SVIL: variants seen among roughly 807,000 people sequenced by gnomAD.
SVIL encodes the protein supervillin, also known as archvillin.
SVIL carries 101 observed loss-of-function variants against 240.4 expected under a neutral mutation model. The observed-to-expected ratio is 0.42, with a 90% CI of 0.36 to 0.50. SVIL has a LOEUF of 0.50. SVIL is among the 20% of genes least tolerant of loss of function. The pLI, the probability that SVIL is intolerant of heterozygous loss-of-function variation, is 0.01. For missense variants in SVIL, 2,512 were observed against 2,818.7 expected (o/e 0.89, Z 2.46); for synonymous variants, 999 against 1,100.0 (o/e 0.91, Z 1.82).
chr10:29,594,848 C>A (rs1013336104), intron 1 of SVIL, among the ~76,000 whole-genome samples: 1 of 152,222 alleles, frequency 6.6e-6, no homozygotes, highest in Non-Finnish European at 1.5e-5. Context: ...TAAGCCACTG[C>A]GCCCAGCCTC....
intron 1 of SVIL, among the ~76,000 whole-genome samples, chr10:29,729,896 C>T (rs999046326): frequency 1.1e-4 from 15 of 136,024 alleles, no homozygotes; most frequent in African/African-American, 3.6e-4. Flanking sequence ...GACTTAGAAA[C>T]GTAACATGAT....
At chr10:29,496,643 T>G (rs1473594404) in intron 18 of SVIL, among the ~76,000 whole-genome samples, 2 of 152,222 alleles carry the variant, frequency 1.3e-5, no homozygotes, top group African/African-American at 2.4e-5. Context: ...GAATGGCTCA[T>G]GGCAGGGAGA....
intron 2 of SVIL, among the ~76,000 whole-genome samples, chr10:29,679,192 G>A (rs759573929): frequency 6.6e-6 from 1 of 152,174 alleles, no homozygotes; most frequent in Non-Finnish European, 1.5e-5. Context: ...GCAACAGAGA[G>A]AGACTCCGTC....
intron 3 of SVIL, among the ~76,000 whole-genome samples, chr10:29,652,226 T>C (rs1174352300): frequency 1.3e-5 from 2 of 152,192 alleles, no homozygotes; most frequent in Admixed American, 6.5e-5. Context: ...ACACCCCCTG[T>C]CGTAGGCAAC....
At chr10:29,458,661 G>A in intron 36 of SVIL, 72 bp from the exon 37 acceptor site, 2 of 1,544,086 alleles carry the variant, frequency 1.3e-6, no homozygotes, top group Non-Finnish European at 1.8e-6. Flanking sequence ...AGTGCTTACA[G>A]ACACACAGCC....
intron 1 of SVIL, among the ~76,000 whole-genome samples, chr10:29,625,725 G>C (rs1379129034): frequency 1.3e-5 from 2 of 152,166 alleles, no homozygotes; most frequent in Admixed American, 1.3e-4. Context: ...GCCTCCCAAA[G>C]TGCTGGGACT....
intron 29 of SVIL, among the ~76,000 whole-genome samples, chr10:29,476,518 T>A (rs1232106861): frequency 6.6e-6 from 1 of 152,188 alleles, no homozygotes; most frequent in African/African-American, 2.4e-5. Context: ...TCCTCCTGCC[T>A]TGGCCTCCCA....
chr10:29,508,440 C>A (rs1251368500), intron 17 of SVIL: 38 of 1,278,436 alleles, frequency 3.0e-5, no homozygotes, highest in Non-Finnish European at 3.7e-5. Flanking sequence ...AAGAGAAGAG[C>A]CTGGTCAGGG....
Position 29,551,136 on chromosome 10 carries a change from G to C in SVIL, c.288C>G (p.His96Gln). Residue 96 changes from histidine to glutamine, a missense_variant, in exon 6 of 38, where the codon CAC (histidine) becomes CAG (glutamine). This residue lies in a region of SVIL where 1,443 missense variants were observed against 1,486.6 expected (regional missense o/e 0.97). Transcript: ENST00000355867. ...TTCTTTCGGCTTTGGACTCCAGACT[G>C]TGGGTGTCCATGGTACCCGAACCAT... ...SPYGSGTMDT[H>Q]SLESKAERIA... is the part of the protein sequence containing the mutation. 1.2e-6 allele frequency: 2 copies of C among 1,614,150 alleles called. No individual in the cohort carries two copies. The highest frequency in any genetic ancestry group is 1.7e-6 in the Non-Finnish European group (2 of 1,180,038).
rs764590479 is a variant in SVIL at position 29,486,396 on chromosome 10, C to A, written c.4633+14G>T. On this transcript the variant is annotated intron_variant, in intron 25 of 37. Coordinates refer to ENST00000355867, the MANE Select transcript of SVIL (RefSeq NM_021738.3). The stretch of plus-strand genomic sequence containing the variant: ...TCAAGTCTCGTCAATCTCTGAAGTA[C>A]AATGAAGTCTTACATTGGTAACTGG... 6.2e-7 allele frequency: 1 copy of A among 1,613,812 alleles called. No individual in the cohort carries two copies. Among genetic ancestry groups the A allele is most frequent in the East Asian group, 2.2e-5 (1 of 44,888 alleles).
At chr10:29,575,727 A>C (rs1955664793) in intron 1 of SVIL, among the ~76,000 whole-genome samples, 1 of 152,194 alleles carries the variant, frequency 6.6e-6, no homozygotes. Context: ...TGAGCTCTAT[A>C]ATAATTACAA....
In SVIL at chr10:29,486,421, G is replaced by A; in HGVS notation, c.4622C>T (p.Thr1541Ile). Residue 1541 changes from threonine (T) to isoleucine (I), a missense_variant, in exon 25 of 38, where the codon ACC becomes ATC. Physicochemically the swap from Thr to Ile is moderately conservative, Grantham distance 89. Coordinates refer to ENST00000355867, the MANE Select transcript of SVIL (RefSeq NM_021738.3). ...KDFWKLLGGQ[T>I]SYQSAGDPKE... is the part of the protein sequence containing the mutation. The stretch of plus-strand genomic sequence containing the variant: ...CAATGAAGTCTTACATTGGTAACTG[G>A]TTTGGCCACCCAGAAGCTTCCAGAA... 6.2e-7 allele frequency: 1 copy of A among 1,614,172 alleles called. No individual in the cohort carries two copies. Among genetic ancestry groups the A allele is most frequent in the East Asian group, 2.2e-5 (1 of 44,886 alleles).
At chr10:29,729,563 C>T (rs1158212435) in intron 1 of SVIL, among the ~76,000 whole-genome samples, 2 of 150,264 alleles carry the variant, frequency 1.3e-5, no homozygotes, top group Non-Finnish European at 3.0e-5. Flanking sequence ...TGGCCGGGTG[C>T]GGTGGCTCAC....
At chr10:29,541,572 T>A (rs1386507968) in intron 6 of SVIL, among the ~76,000 whole-genome samples, 2 of 152,208 alleles carry the variant, frequency 1.3e-5, no homozygotes, top group Non-Finnish European at 2.9e-5. Flanking sequence ...AGTCTCCCTT[T>A]GAGCTAATCT....
At chr10:29,638,277 C>G (rs575278498), upstream of SVIL, among the ~76,000 whole-genome samples, 3 of 151,970 alleles carry the variant, frequency 2.0e-5, no homozygotes, top group Admixed American at 1.3e-4. Flanking sequence ...TCCTAGCCAA[C>G]GTGGTGAAAC....
At chr10:29,473,776 A>T (rs1190311575) in intron 30 of SVIL, 62 bp downstream of exon 30, 1 of 1,607,338 alleles carries the variant, frequency 6.2e-7, no homozygotes, top group Non-Finnish European at 8.5e-7. Flanking sequence ...GCCGAGTGCC[A>T]TCGGCTCCCA....
At position 29,561,495 on chromosome 10, in the gene SVIL, C is replaced by T. The variant is rs75439703; in HGVS notation, c.-51+1706G>A. On this transcript the variant is annotated intron_variant, in intron 3 of 37. Coordinates refer to ENST00000355867, the MANE Select transcript of SVIL (RefSeq NM_021738.3). Reference sequence around the variant, plus strand: ...AGAACTTTGCCTAATAAACTTTTCTCAGCTATTGCTAATATGGATTTGTTC... The same window carrying T: ...AGAACTTTGCCTAATAAACTTTTCTTAGCTATTGCTAATATGGATTTGTTC... Among the ~76,000 whole-genome samples, 348 of 152,292 alleles carry T rather than the reference C, an allele frequency of 2.3e-3. 1 individual carries two copies. The highest frequency in any genetic ancestry group is 7.9e-3 in the African/African-American group (330 of 41,536).
At position 29,493,252 on chromosome 10, in the gene SVIL, A is replaced by G. The variant is rs780609390; in HGVS notation, c.3981T>C (p.Asp1327=). ...GATCGAAAATGACATCGAAGTCCTC[A>G]TCCATCTCCACAGGACTTCTTGGCA... ...YNMPRSPVEM[D]EDFDVIFDPY... The change falls in exon 21 of 38, where the codon GAT becomes GAC. Residue 1327 remains aspartate, a synonymous_variant. Transcript: ENST00000355867. The G allele has an allele frequency of 6.2e-7, 1 of 1,614,126 alleles. No individual in the cohort carries two copies. Among genetic ancestry groups the G allele is most frequent in the Non-Finnish European group, 8.5e-7 (1 of 1,180,018 alleles).
intron 6 of SVIL, 99 bp from the exon 7 acceptor site, chr10:29,536,168 A>G: frequency 8.9e-7 from 1 of 1,126,806 alleles, no homozygotes; most frequent in South Asian, 1.3e-5. Context: ...GATTTTTATT[A>G]AGAATAATCC....
Sources: gnomAD v4.1 joint callset for allele counts (sites outside exome capture counted in the v4.1 genomes callset) on GRCh38, gnomAD v4.1.1 for gene constraint, gnomAD v4.1.1 regional missense constraint, MANE v1.5 for transcripts, NCBI Gene and HGNC (gene_info 2026-07-23, HGNC 2026-07-21) for gene names.